Variants in ROBO2 observed in about 807,000 individuals in gnomAD.
ROBO2 encodes the protein roundabout homolog 2.
Under a neutral mutation model 160.8 loss-of-function variants are expected in ROBO2, and 53 were observed. The ratio of observed to expected loss-of-function variants is 0.33; its 90% CI spans 0.26 to 0.41. The LOEUF (loss-of-function observed/expected upper bound fraction) is 0.41. Ranked by LOEUF, ROBO2 falls within the 10% of genes least tolerant of loss-of-function variation. The pLI, the probability that ROBO2 is intolerant of heterozygous loss-of-function variation, is 1.00. For synonymous variants in ROBO2, 664 were observed against 611.7 expected, an observed-to-expected ratio of 1.09 and a Z score of -1.26; for missense variants, 1,577 against 1,722.4, an observed-to-expected ratio of 0.92 and a Z score of 1.49.
upstream of ROBO2, among the ~76,000 whole-genome samples, chr3:77,036,999 A>C (rs1432464283): frequency 6.6e-6 from 1 of 151,674 alleles, no homozygotes; most frequent in Non-Finnish European, 1.5e-5. Flanking sequence ...GTGCTCACTA[A>C]AACTGTCTTA....
chr3:76,187,533 C>T (rs1158096286), intron 2 of ROBO2, among the ~76,000 whole-genome samples: 4 of 152,094 alleles, frequency 2.6e-5, no homozygotes, highest in African/African-American at 9.7e-5. Flanking sequence ...CTTGGCCTCA[C>T]AAAGTTCTGG....
At chr3:76,295,263 C>T (rs1178439019) in intron 2 of ROBO2, among the ~76,000 whole-genome samples, 2 of 151,822 alleles carry the variant, frequency 1.3e-5, no homozygotes, top group Non-Finnish European at 1.5e-5. Flanking sequence ...TCTTTTTGTC[C>T]TCCCCTGATT....
chr3:77,570,996 CA>C (rs1181424681), intron 13 of ROBO2, among the ~76,000 whole-genome samples: 1 of 151,824 alleles, frequency 6.6e-6, no homozygotes, highest in East Asian at 1.9e-4. Flanking sequence ...TGAGTGTGGG[CA>C]AAAATGATAA....
chr3:76,195,757 A>G (rs1378310577), intron 2 of ROBO2, among the ~76,000 whole-genome samples: 1 of 152,190 alleles, frequency 6.6e-6, no homozygotes, highest in Admixed American at 6.5e-5. Flanking sequence ...TATAATGCCT[A>G]TTATTATTCT....
rs1209126695 is a variant in ROBO2 at position 76,434,940 on chromosome 3, G to T, written c.109+497338G>T. On this transcript the variant is annotated intron_variant, in intron 2 of 26. Coordinates refer to the ROBO2 transcript ENST00000487694. ...CCAAACCAGCCCATCCCCCAAACCA[G>T]CCACAAAGAAGGAGCCAGCTGTACT... 1.0e-5 allele frequency: 16 copies of T among 1,600,318 alleles called. No homozygotes were observed. In the South Asian group the frequency reaches 1.1e-4, roughly 11 times the overall value.
At chr3:76,528,724 A>G (rs1358228512) in intron 2 of ROBO2, among the ~76,000 whole-genome samples, 1 of 152,094 alleles carries the variant, frequency 6.6e-6, no homozygotes, top group Non-Finnish European at 1.5e-5. Context: ...ATTTAAATCT[A>G]CGAGACCAGA....
chr3:77,629,346 A>G (rs1407022396), intron 23 of ROBO2: 2 of 152,150 alleles, frequency 1.3e-5, no homozygotes, highest in Non-Finnish European at 1.5e-5. Flanking sequence ...AGTCAGTTTT[A>G]TAGGTTCAGA....
intron 2 of ROBO2, among the ~76,000 whole-genome samples, chr3:76,643,004 C>T (rs1027987687): frequency 6.6e-6 from 1 of 152,086 alleles, no homozygotes; most frequent in Non-Finnish European, 1.5e-5. Context: ...TTATTACATG[C>T]AAAGAAGGCT....
chr3:76,869,355 T>TG (rs1199681309), intron 2 of ROBO2, among the ~76,000 whole-genome samples: 2 of 137,728 alleles, frequency 1.5e-5, no homozygotes, highest in African/African-American at 2.8e-5. Context: ...TTTTTTTTTT[T>TG]TTTTTTTTTT....
chr3:77,057,149 A>T (rs1017685101), intron 1 of ROBO2, among the ~76,000 whole-genome samples: 8 of 152,218 alleles, frequency 5.3e-5, no homozygotes, highest in African/African-American at 1.9e-4. Flanking sequence ...GGATGAGTTC[A>T]TGTCCTTTGT....
At position 76,275,380 on chromosome 3, in the gene ROBO2, A is replaced by G. The variant is rs539230290; in HGVS notation, c.109+337778A>G. Among the ~76,000 whole-genome samples, 16 of 152,294 alleles carry G rather than the reference A, an allele frequency of 1.1e-4. No homozygotes were observed. The South Asian group carries it at 3.3e-3, about 32-fold the overall frequency. ...TTCCTCACCTGCCCCAAAAGTAAGT[A>G]AAACTTGCATAGAAATAGCAAGCAG... On this transcript the variant is annotated intron_variant, in intron 2 of 26. Transcript: ENST00000487694.
intron 2 of ROBO2, among the ~76,000 whole-genome samples, chr3:76,446,872 C>T (rs2077209155): frequency 6.6e-6 from 1 of 152,090 alleles, no homozygotes. Context: ...CTTCCTTACA[C>T]CTTATACAAA....
intron 2 of ROBO2, among the ~76,000 whole-genome samples, chr3:76,528,880 A>G (rs2082082191): frequency 6.6e-6 from 1 of 152,168 alleles, no homozygotes; most frequent in Non-Finnish European, 1.5e-5. Flanking sequence ...TGCAAAGTGC[A>G]GTGTCCTTGA....
At chr3:77,352,367 T>C (rs972858917) in intron 2 of ROBO2, among the ~76,000 whole-genome samples, 5 of 152,136 alleles carry the variant, frequency 3.3e-5, no homozygotes, top group African/African-American at 1.2e-4. Flanking sequence ...ATCATTCTAT[T>C]TCGTGGAAGA....
chr3:76,467,860 T>G (rs1453812518), intron 2 of ROBO2, among the ~76,000 whole-genome samples: 1 of 151,982 alleles, frequency 6.6e-6, no homozygotes, highest in Non-Finnish European at 1.5e-5. Context: ...CATTTAAGAG[T>G]TTTTTAGACT....
At chr3:76,712,302 A>C (rs1039231785) in intron 2 of ROBO2, among the ~76,000 whole-genome samples, 7 of 125,912 alleles carry the variant, frequency 5.6e-5, no homozygotes, top group Non-Finnish European at 9.5e-5. Flanking sequence ...TGTTTTAGTG[A>C]AGAAAATTCA....
chr3:77,418,998 T>C (rs544210284), intron 2 of ROBO2, among the ~76,000 whole-genome samples: 14 of 152,242 alleles, frequency 9.2e-5, no homozygotes, highest in African/African-American at 3.4e-4. Context: ...ATGTATTCCT[T>C]CTTCATTCAA....
intron 2 of ROBO2, among the ~76,000 whole-genome samples, chr3:76,864,441 G>A (rs958715618): frequency 4.6e-5 from 7 of 151,898 alleles, no homozygotes; most frequent in African/African-American, 1.7e-4. Flanking sequence ...AACTAATCAT[G>A]AGAATCCCAT....
intron 2 of ROBO2, among the ~76,000 whole-genome samples, chr3:77,407,135 A>G (rs2076319226): frequency 6.6e-6 from 1 of 152,066 alleles, no homozygotes; most frequent in Non-Finnish European, 1.5e-5. Flanking sequence ...ATTCTTTTTT[A>G]TGTTTGTGGA....
Sources: allele counts gnomAD v4.1 joint callset (sites outside exome capture counted in the v4.1 genomes callset), GRCh38; gene constraint gnomAD v4.1.1; transcripts MANE v1.5; gene names NCBI Gene and HGNC (gene_info 2026-07-23, HGNC 2026-07-21).